The following ADAMTS13 variants were observed in gnomAD, a reference collection of about 807,000 sequenced individuals.
ADAMTS13 encodes the protein A disintegrin and metalloproteinase with thrombospondin motifs 13.
ADAMTS13 carries 110 observed loss-of-function variants against 155.1 expected under a neutral mutation model. The ratio of observed to expected loss-of-function variants is 0.71; its 90% CI spans 0.61 to 0.83. ADAMTS13 has a LOEUF of 0.83. ADAMTS13 is among the 40% of genes least tolerant of loss of function. The probability of loss-of-function intolerance (pLI) is 0.00; values close to 1 mark genes in which losing one functional copy is unlikely to be tolerated. For synonymous variants in ADAMTS13, 758 were observed against 756.4 expected (o/e 1.00, Z -0.03); for missense variants, 1,707 against 1,891.7 (o/e 0.90, Z 1.81).
At position 133,422,569 on chromosome 9, in the gene ADAMTS13, G is replaced by C. The variant is rs199670942; in HGVS notation, c.105+21G>C. The C allele has an allele frequency of 1.3e-4, 206 of 1,612,526 alleles. 1 individual carries two copies. Among genetic ancestry groups the C allele is most frequent in the South Asian group, 7.8e-4 (71 of 91,042 alleles). ...AGCAGGTGGGCTCATTTGCAGGAGC[G>C]GGGGTATTCTGGGAGCCTCTGGGTG... is the stretch of plus-strand genomic sequence containing the variant. On this transcript the variant is annotated intron_variant, in intron 1 of 28. Coordinates refer to ENST00000355699, the MANE Select transcript of ADAMTS13 (RefSeq NM_139027.6).
intron 23 of ADAMTS13, among the ~76,000 whole-genome samples, chr9:133,453,908 C>T (rs1554794947): frequency 2.0e-5 from 3 of 152,048 alleles, no homozygotes; most frequent in Admixed American, 6.6e-5. Context: ...CACAGTATTG[C>T]GATGAAGATC....
chr9:133,436,820 C>A lies in ADAMTS13; in HGVS notation c.1309-9C>A. 1.4e-6 allele frequency: 2 copies of A among 1,392,026 alleles called. No homozygotes were observed. The highest frequency in any genetic ancestry group is 1.9e-6 in the Non-Finnish European group (2 of 1,042,424). The allele number at this position is 1,392,026 out of a possible 1,614,324, so 86.2% of individuals were successfully genotyped here. A position where few individuals can be genotyped will look rare whatever the true frequency, so the allele number is the denominator to read the frequency against. The stretch of plus-strand genomic sequence containing the variant: ...CCGCCATCCCCCTCCTCTGCCTCCT[C>A]CTGGCCAGGCCTGCGAGAAGACCCA... On this transcript the variant is annotated splice_polypyrimidine_tract_variant and intron_variant, in intron 11 of 28. Transcript: ENST00000355699.
At chr9:133,415,459 C>T (rs1839530496) in intron 1 of ADAMTS13, among the ~76,000 whole-genome samples, 1 of 151,312 alleles carries the variant, frequency 6.6e-6, no homozygotes, top group African/African-American at 2.4e-5. Flanking sequence ...CTGTGAAGAT[C>T]TCAGGAAGGT....
At chr9:133,427,716 A>G (rs1270231425) in intron 6 of ADAMTS13, among the ~76,000 whole-genome samples, 1 of 152,224 alleles carries the variant, frequency 6.6e-6, no homozygotes, top group Non-Finnish European at 1.5e-5. Context: ...CTGTGACTGT[A>G]TACAGCACAG....
In ADAMTS13 at chr9:133,455,839, C is replaced by T. The variant is rs1588208971; in HGVS notation, c.3401-230C>T. The T allele has an allele frequency of 5.2e-6, 4 of 763,440 alleles. No homozygotes were observed. The South Asian group carries it at 6.7e-5, about 13-fold the overall frequency. 47.3% of individuals were successfully genotyped at this position (763,440 alleles called of 1,614,324 possible). ...TGTGAGCCCCCTAGCCTCTGGGCTG[C>T]TCTGCATGTGCCCCCTCTTGCTGGA... On this transcript the variant is annotated intron_variant, in intron 25 of 28. Coordinates refer to ENST00000355699, the MANE Select transcript of ADAMTS13 (RefSeq NM_139027.6).
At chr9:133,447,294 CTCTTT>C (rs138907651) in intron 21 of ADAMTS13, among the ~76,000 whole-genome samples, 1 of 151,476 alleles carries the variant, frequency 6.6e-6, no homozygotes, top group African/African-American at 2.4e-5. Context: ...TTCTTTTTCT[CTCTTT>C]TCTTTTTTGA....
intron 21 of ADAMTS13, among the ~76,000 whole-genome samples, chr9:133,447,405 C>G (rs587647327): frequency 6.6e-6 from 1 of 152,276 alleles, no homozygotes; most frequent in African/African-American, 2.4e-5. Flanking sequence ...CATCCTCCCC[C>G]CTCAGCCTCC....
chr9:133,424,713 C>T lies in ADAMTS13; in HGVS notation c.330+235C>T, dbSNP rs1459545644. 6.6e-6 allele frequency among the ~76,000 whole-genome samples: 1 copy of T among 152,156 alleles called. No individual in the cohort carries two copies. The highest frequency in any genetic ancestry group is 1.5e-5 in the Non-Finnish European group (1 of 68,032). On this transcript the variant is annotated intron_variant, in intron 3 of 28. Transcript: ENST00000355699. This position sits in a 1 kb window ranked among gnomAD's most constrained non-coding sequence, Gnocchi z 4.3. The stretch of plus-strand genomic sequence containing the variant: ...CCTCTCACTACTCAAGTCCCTTCAC[C>T]TGGGGCCACCCTCAAGCCTGGCCTC...
intron 13 of ADAMTS13, 112 bp from the exon 14 acceptor site, chr9:133,438,134 A>G: frequency 1.3e-6 from 2 of 1,575,694 alleles, no homozygotes; most frequent in Non-Finnish European, 1.7e-6. Flanking sequence ...GGGGTGCTAT[A>G]GAAGTGTTGC....
intron 21 of ADAMTS13, among the ~76,000 whole-genome samples, chr9:133,447,460 A>G (rs1842145066): frequency 6.6e-6 from 1 of 152,036 alleles, no homozygotes; most frequent in Non-Finnish European, 1.5e-5. Flanking sequence ...TTTGGCAGAG[A>G]TGGGATCTCC....
At chr9:133,455,207 C>G in intron 24 of ADAMTS13, 78 bp from the exon 25 acceptor site, 2 of 1,475,708 alleles carry the variant, frequency 1.4e-6, no homozygotes, top group Non-Finnish European at 1.9e-6. Flanking sequence ...TATTGGATCA[C>G]TCCTGGCCTG....
chr9:133,443,888 A>G (rs1353069701), intron 19 of ADAMTS13, among the ~76,000 whole-genome samples: 1 of 151,848 alleles, frequency 6.6e-6, no homozygotes. Flanking sequence ...CATCACCACC[A>G]TCTCCCCCGT....
chr9:133,443,272 A>G (rs1013614889), intron 18 of ADAMTS13, 104 bp from the exon 19 acceptor site: 7 of 1,423,778 alleles, frequency 4.9e-6, no homozygotes, highest in Admixed American at 2.0e-5. Flanking sequence ...CGTAGTGCCC[A>G]TTGCTTGTCC....
rs1255459402 is a variant in ADAMTS13 at position 133,443,424 on chromosome 9, C to G, written c.2283C>G (p.Gly761=). The change falls in exon 19 of 29, where the codon GGC becomes GGG. Residue 761 remains glycine (G), a synonymous_variant. Coordinates refer to ENST00000355699, the MANE Select transcript of ADAMTS13 (RefSeq NM_139027.6). Reference sequence around the variant, plus strand: ...CATGCAGCGCCTCCTGTGGGGGTGGCCTGCGGGAGCGGCCAGTGCGCTGCG... The same window carrying G: ...CATGCAGCGCCTCCTGTGGGGGTGGGCTGCGGGAGCGGCCAGTGCGCTGCG... ...FGPCSASCGG[G]LRERPVRCVE... The G allele has an allele frequency of 1.9e-6, 3 of 1,596,780 alleles. No individual in the cohort carries two copies. The highest frequency in any genetic ancestry group is 2.5e-6 in the Non-Finnish European group (3 of 1,176,934).
Position 133,426,326 on chromosome 9 carries a change from G to A in ADAMTS13, c.667G>A (p.Ala223Thr), listed in dbSNP as rs782586734. 1.6e-5 allele frequency: 25 copies of A among 1,602,430 alleles called. No individual in the cohort carries two copies. The highest frequency in any genetic ancestry group is 2.1e-5 in the Non-Finnish European group (25 of 1,179,948). ...TGGCTTCGACCTGGGAGTCACCATT[G>A]CCCATGAGATTGGGCACAGGTATGT... ...DTGFDLGVTI[A>T]HEIGHSFGLE... The change falls in exon 6 of 29, where the codon GCC becomes ACC. Residue 223 changes from alanine to threonine, a missense_variant. Transcript: ENST00000355699.
In ADAMTS13 at chr9:133,424,415, C is replaced by T. The variant is rs782035751; in HGVS notation, c.267C>T (p.Gly89=). 2.5e-6 allele frequency: 4 copies of T among 1,613,672 alleles called. No homozygotes were observed. The East Asian group carries it at 8.9e-5, about 36-fold the overall frequency. The change falls in exon 3 of 29, where the codon GGC becomes GGT. Residue 89 remains glycine (G), a synonymous_variant. Transcript: ENST00000355699. The surrounding 1 kb of genome is among the most constrained non-coding windows in gnomAD (Gnocchi z 4.3). The stretch of plus-strand genomic sequence containing the variant: ...ACCTGGAGCTGCTGGTGGCCGTGGG[C>T]CCCGATGTCTTCCAGGCTCACCAGG... ...ILHLELLVAV[G]PDVFQAHQED... is the part of the protein sequence containing the mutation.
rs1554784018 is a variant in ADAMTS13 at position 133,423,126 on chromosome 9, A to T, written c.131A>T (p.Gln44Leu). Residue 44 changes from glutamine to leucine, a missense_variant, in exon 2 of 29, where the codon CAG becomes CTG. Gln to Leu is a moderately radical substitution (Grantham distance 113). Transcript: ENST00000355699. ...QQSCLQALEP[Q>L]AVSSYLSPGA... Reference sequence around the variant, plus strand: ...AGTTGTCTTCAGGCTTTGGAGCCACAGGCCGTGTCTTCTTACTTGAGCCCT... The same window carrying T: ...AGTTGTCTTCAGGCTTTGGAGCCACTGGCCGTGTCTTCTTACTTGAGCCCT... 1 of 1,613,678 alleles carries T rather than the reference A, an allele frequency of 6.2e-7. No individual in the cohort carries two copies. Among genetic ancestry groups the T allele is most frequent in the South Asian group, 1.1e-5 (1 of 91,060 alleles).
intron 11 of ADAMTS13, among the ~76,000 whole-genome samples, chr9:133,436,110 C>T (rs1841192286): frequency 6.6e-6 from 1 of 151,112 alleles, no homozygotes; most frequent in South Asian, 2.1e-4. Context: ...AGCCATGGCG[C>T]CCGGCCTGTT....
Position 133,433,570 on chromosome 9 carries a change from A to G in ADAMTS13, c.1244+41A>G, listed in dbSNP as rs200752454. The G allele has an allele frequency of 8.7e-6, 14 of 1,613,782 alleles. No homozygotes were observed. In the Admixed American group the frequency reaches 1.3e-4, roughly 15 times the overall value. ...TGCTTTTCTGTCAGGGAGTGTGGCC[A>G]TACCATAGTCCCTAGTTGAAGGCAG... is the stretch of plus-strand genomic sequence containing the variant. On this transcript the variant is annotated intron_variant, in intron 10 of 28. Transcript: ENST00000355699.
Sources: gnomAD v4.1 joint callset for allele counts (sites outside exome capture counted in the v4.1 genomes callset) on GRCh38, gnomAD v4.1.1 for gene constraint, Gnocchi (gnomAD v3.1) non-coding constraint, MANE v1.5 for transcripts, NCBI Gene and HGNC (gene_info 2026-07-23, HGNC 2026-07-21) for gene names.